The following SEMA3E variants were observed in gnomAD, a reference collection of about 807,000 sequenced individuals.
SEMA3E encodes the protein semaphorin 3E, also known as semaphorin-3E.
Under a neutral mutation model 93.6 loss-of-function variants are expected in SEMA3E, and 49 were observed. That is an observed-to-expected ratio of 0.52 (90% CI 0.42 to 0.66). The LOEUF (loss-of-function observed/expected upper bound fraction) is 0.66, where lower values mean the gene tolerates loss of function less well. Ranked by LOEUF, SEMA3E falls within the 30% of genes least tolerant of loss-of-function variation. The pLI, the probability that SEMA3E is intolerant of heterozygous loss-of-function variation, is 0.00. For synonymous variants in SEMA3E, 363 were observed against 330.7 expected (o/e 1.10, Z -1.06); for missense variants, 906 against 964.8 (o/e 0.94, Z 0.81).
At chr7:83,386,429 C>T (rs1787882492) in intron 15 of SEMA3E, among the ~76,000 whole-genome samples, 1 of 152,068 alleles carries the variant, frequency 6.6e-6, no homozygotes, top group African/African-American at 2.4e-5. Context: ...TTCTTATATT[C>T]CTTACTTTTG....
At chr7:83,460,653 C>T (rs1290783588) in intron 4 of SEMA3E, among the ~76,000 whole-genome samples, 1 of 142,778 alleles carries the variant, frequency 7.0e-6, no homozygotes, top group Non-Finnish European at 1.6e-5. Flanking sequence ...GGCAAGCACC[C>T]CAACCTCATA....
At chr7:83,646,308 G>A (rs1049691991) in intron 1 of SEMA3E, among the ~76,000 whole-genome samples, 7 of 152,062 alleles carry the variant, frequency 4.6e-5, no homozygotes, top group African/African-American at 1.4e-4. Context: ...GAATTCCAGA[G>A]TCTAGAGAGA....
chr7:83,458,832 AAT>A (rs951255591), intron 4 of SEMA3E, among the ~76,000 whole-genome samples: 1 of 148,604 alleles, frequency 6.7e-6, no homozygotes, highest in African/African-American at 2.5e-5. Context: ...AAGTCTAATA[AAT>A]ATATATATTT....
chr7:83,530,287 T>G (rs1395565044), intron 1 of SEMA3E, among the ~76,000 whole-genome samples: 1 of 152,168 alleles, frequency 6.6e-6, no homozygotes, highest in African/African-American at 2.4e-5. Context: ...AAAAATTAAT[T>G]TTTAAAACGT....
At chr7:83,457,619 C>A (rs890700366) in intron 4 of SEMA3E, among the ~76,000 whole-genome samples, 1 of 152,150 alleles carries the variant, frequency 6.6e-6, no homozygotes, top group Non-Finnish European at 1.5e-5. Flanking sequence ...GTGTTAAATA[C>A]CTTCATGATC....
intron 1 of SEMA3E, among the ~76,000 whole-genome samples, chr7:83,626,286 A>G (rs1793665262): frequency 6.6e-6 from 1 of 152,182 alleles, no homozygotes; most frequent in African/African-American, 2.4e-5. Context: ...GAATAGTAGC[A>G]GCTCCTCTTT....
Position 83,395,718 on chromosome 7 carries a change from G to A in SEMA3E, c.1458+920C>T, listed in dbSNP as rs142555031. Among the ~76,000 whole-genome samples, 739 of 152,156 alleles carry A rather than the reference G, an allele frequency of 4.9e-3. 6 individuals are homozygous for A. Among genetic ancestry groups the A allele is most frequent in the African/African-American group, 0.017 (694 of 41,538 alleles). On this transcript the variant is annotated intron_variant, in intron 12 of 16. Transcript: ENST00000643230. Reference sequence around the variant, plus strand: ...TGGCCCCCAAGCATAGCGCTGAAGTGCTGTTTAATGTTCCTAAATTCAAAA... The same window carrying A: ...TGGCCCCCAAGCATAGCGCTGAAGTACTGTTTAATGTTCCTAAATTCAAAA...
At chr7:83,397,429 C>T (rs982465057) in intron 11 of SEMA3E, among the ~76,000 whole-genome samples, 1 of 151,914 alleles carries the variant, frequency 6.6e-6, no homozygotes, top group African/African-American at 2.4e-5. Context: ...TACCTTTAGT[C>T]TTAGGGAATA....
At chr7:83,473,971 T>C (rs898840534) in intron 2 of SEMA3E, among the ~76,000 whole-genome samples, 2 of 151,712 alleles carry the variant, frequency 1.3e-5, no homozygotes, top group Non-Finnish European at 2.9e-5. Flanking sequence ...TGTGCACCTG[T>C]AGTCCCAGCT....
intron 1 of SEMA3E, among the ~76,000 whole-genome samples, chr7:83,554,369 C>T (rs1006122258): frequency 2.0e-5 from 3 of 152,000 alleles, no homozygotes; most frequent in African/African-American, 7.2e-5. Flanking sequence ...AAGTTGAAAC[C>T]AAATGACTTG....
chr7:83,553,346 G>T (rs927832423), intron 1 of SEMA3E, among the ~76,000 whole-genome samples: 8 of 152,016 alleles, frequency 5.3e-5, no homozygotes, highest in African/African-American at 1.9e-4. Context: ...CACAATTTTA[G>T]TCTCTTTCCT....
At chr7:83,593,221 CCT>C (rs1036834220) in intron 1 of SEMA3E, among the ~76,000 whole-genome samples, 254 of 146,918 alleles carry the variant, frequency 1.7e-3, no homozygotes, top group African/African-American at 5.9e-3. Context: ...ATCTCTGAAA[CCT>C]CTCTCTCTCT....
At chr7:83,494,227 A>C (rs1398258994) in intron 1 of SEMA3E, among the ~76,000 whole-genome samples, 1 of 151,752 alleles carries the variant, frequency 6.6e-6, no homozygotes, top group Non-Finnish European at 1.5e-5. Flanking sequence ...TATTAAAATG[A>C]ATCCCAAATT....
chr7:83,444,674 T>TTA (rs1789188474), intron 4 of SEMA3E, among the ~76,000 whole-genome samples: 1 of 25,262 alleles, frequency 4.0e-5, no homozygotes, highest in Non-Finnish European at 2.1e-4. Flanking sequence ...ATATTCAGCA[T>TTA]TTTTTTTTTT....
intron 1 of SEMA3E, among the ~76,000 whole-genome samples, chr7:83,612,839 T>A (rs1793291957): frequency 6.6e-6 from 1 of 152,134 alleles, no homozygotes; most frequent in African/African-American, 2.4e-5. Flanking sequence ...TTAACACATA[T>A]GTTTTATAAC....
intron 1 of SEMA3E, among the ~76,000 whole-genome samples, chr7:83,622,212 G>A (rs1023588214): frequency 4.0e-5 from 6 of 151,804 alleles, no homozygotes; most frequent in African/African-American, 1.5e-4. Context: ...CATACATGCA[G>A]CCAATAAACA....
chr7:83,509,573 T>A (rs921220674), intron 1 of SEMA3E, among the ~76,000 whole-genome samples: 4 of 152,090 alleles, frequency 2.6e-5, no homozygotes, highest in Non-Finnish European at 5.9e-5. Context: ...AAAAACCAAC[T>A]TATATCTATG....
intron 2 of SEMA3E, among the ~76,000 whole-genome samples, chr7:83,482,380 C>T (rs1432062503): frequency 6.6e-6 from 1 of 151,758 alleles, no homozygotes; most frequent in Non-Finnish European, 1.5e-5. Context: ...TCCCAGCTAA[C>T]AGGGTGAAAT....
intron 1 of SEMA3E, among the ~76,000 whole-genome samples, chr7:83,515,622 T>C (rs1306150671): frequency 2.0e-5 from 3 of 152,194 alleles, no homozygotes; most frequent in Admixed American, 6.5e-5. Flanking sequence ...AAATAATTAT[T>C]ATCCGGAATC....
Sources: gnomAD v4.1 joint callset for allele counts (sites outside exome capture counted in the v4.1 genomes callset) on GRCh38, gnomAD v4.1.1 for gene constraint, MANE v1.5 for transcripts, NCBI Gene and HGNC (gene_info 2026-07-23, HGNC 2026-07-21) for gene names.